The following MFN1 variants were observed in gnomAD, a reference collection of about 807,000 sequenced individuals.
MFN1 encodes mitofusin-1.
MFN1 carries 65 observed loss-of-function variants against 92.4 expected under a neutral mutation model. The observed-to-expected ratio is 0.70, with a 90% CI of 0.58 to 0.86. The LOEUF (loss-of-function observed/expected upper bound fraction) is 0.86, where lower values mean the gene tolerates loss of function less well. Ranked by LOEUF, MFN1 falls within the 40% of genes least tolerant of loss-of-function variation. The pLI, the probability that MFN1 is intolerant of heterozygous loss-of-function variation, is 0.00. For synonymous variants in MFN1, 297 were observed against 300.9 expected (o/e 0.99, Z 0.13); for missense variants, 781 against 868.0 (o/e 0.90, Z 1.26).
chr3:179,387,102 T>A (rs1340526312), intron 16 of MFN1, among the ~76,000 whole-genome samples: 1 of 151,854 alleles, frequency 6.6e-6, no homozygotes, highest in African/African-American at 2.4e-5. Context: ...TTTTTTTTTT[T>A]CTTTGAGACA....
chr3:179,349,068 A>G (rs1712036388), intron 2 of MFN1, 105 bp downstream of exon 2: 1 of 806,818 alleles, frequency 1.2e-6, no homozygotes, highest in Non-Finnish European at 1.9e-6. Context: ...ATTATACTGT[A>G]TACTATGAGA....
At chr3:179,365,932 T>C (rs1044586864) in intron 7 of MFN1, among the ~76,000 whole-genome samples, 49 of 152,222 alleles carry the variant, frequency 3.2e-4, no homozygotes, top group African/African-American at 1.2e-3. Context: ...GGCATTTGGG[T>C]TAATTTACTG....
chr3:179,390,831 A>G (rs933768165), intron 17 of MFN1, among the ~76,000 whole-genome samples: 2 of 152,220 alleles, frequency 1.3e-5, no homozygotes, highest in Admixed American at 6.5e-5. Flanking sequence ...CCTGTGTAAG[A>G]ACAGCTTAGT....
At chr3:179,374,412 AT>A (rs1577011238) in intron 9 of MFN1, among the ~76,000 whole-genome samples, 67 of 137,276 alleles carry the variant, frequency 4.9e-4, no homozygotes, top group East Asian at 1.2e-3. Context: ...ATATATATAT[AT>A]AAGATAACAA....
At chr3:179,383,904 G>GGA (rs1713572147) in intron 14 of MFN1, among the ~76,000 whole-genome samples, 5 of 152,158 alleles carry the variant, frequency 3.3e-5, no homozygotes, top group Non-Finnish European at 5.9e-5. Context: ...TAGGAAATTT[G>GGA]TGAAATTGTA....
intron 9 of MFN1, among the ~76,000 whole-genome samples, chr3:179,374,779 A>G (rs993868986): frequency 6.6e-6 from 1 of 152,216 alleles, no homozygotes; most frequent in Non-Finnish European, 1.5e-5. Flanking sequence ...TCATTCAGCT[A>G]TTAAATAAGG....
At chr3:179,381,537 T>C (rs1713467127) in intron 14 of MFN1, among the ~76,000 whole-genome samples, 1 of 152,244 alleles carries the variant, frequency 6.6e-6, no homozygotes, top group Admixed American at 6.5e-5. Context: ...TAATGGTGTG[T>C]CTTATATTTT....
intron 7 of MFN1, among the ~76,000 whole-genome samples, chr3:179,367,057 A>T (rs2108536974): frequency 6.6e-6 from 1 of 152,304 alleles, no homozygotes; most frequent in South Asian, 2.1e-4. Context: ...CCTGCCCAGT[A>T]GCTGGGATTA....
intron 14 of MFN1, 70 bp downstream of exon 14, chr3:179,378,884 A>T (rs1713360297): frequency 8.4e-7 from 1 of 1,194,648 alleles, no homozygotes; most frequent in Admixed American, 2.4e-5. Flanking sequence ...TTCTATAATA[A>T]AACTAGCTTT....
rs527444238 is a variant in MFN1, at chr3:179,386,462, A to G, written c.1845A>G (p.Leu615=). 5.1e-5 allele frequency: 83 copies of G among 1,612,984 alleles called. No homozygotes were observed. In the South Asian group the frequency reaches 7.3e-4, roughly 14 times the overall value. ...VIWKTIGWKL[L]SVSLTMYGAL... is the part of the protein sequence containing the mutation. ...GGAAAACTATAGGCTGGAAACTCCT[A>G]TCTGTTTCATTAACTATGTATGGAG... The change falls in exon 16 of 18, where the codon CTA becomes CTG. Residue 615 remains leucine (L), a synonymous_variant. Transcript: ENST00000471841.
Position 179,358,871 on chromosome 3 carries a change from G to A in MFN1, c.280G>A (p.Ala94Thr). The change falls in exon 4 of 18, where the codon GCA becomes ACA. Residue 94 changes from alanine to threonine, a missense_variant. Transcript: ENST00000471841. ...CAGTGGGAAGAGCTCTGTTATCAAT[G>A]CAATGTTGTGGGATAAAGTTCTCCC... ...TSSGKSSVIN[A>T]MLWDKVLPSG... is the part of the protein sequence containing the mutation. 6.2e-7 allele frequency: 1 copy of A among 1,613,792 alleles called. No individual in the cohort carries two copies.
intron 14 of MFN1, among the ~76,000 whole-genome samples, chr3:179,384,740 G>A (rs10937001): frequency 0.17 from 26,000 of 151,960 alleles, 2,296 homozygotes; most frequent in Admixed American, 0.23. Context: ...TCACTGTGCT[G>A]TGCTGGCTGG....
rs1368895763 is a variant in MFN1, at chr3:179,394,391, AAAAT to A, written c.*2335_*2338del. The A allele has an allele frequency of 1.3e-5, 2 of 151,602 alleles. No individual in the cohort carries two copies. The highest frequency in any genetic ancestry group is 6.6e-5 in the Admixed American group (1 of 15,154). 9.4% of individuals were successfully genotyped at this position (151,602 alleles called of 1,614,324 possible). Reference sequence around the variant, plus strand: ...TAATGAATGTTGGAAATGGAACAGTAAAATAACGAAAGCCAACTTTTTTTTTTTT... The same window carrying A: ...TAATGAATGTTGGAAATGGAACAGTAAACGAAAGCCAACTTTTTTTTTTTT... On this transcript the variant is annotated 3_prime_UTR_variant, in exon 18 of 18. Transcript: ENST00000471841.
chr3:179,372,194 G>A (rs1713051676), intron 9 of MFN1, among the ~76,000 whole-genome samples: 2 of 149,884 alleles, frequency 1.3e-5, no homozygotes, highest in Non-Finnish European at 1.5e-5. Context: ...AACAAAAGGG[G>A]CTGAATGTTA....
chr3:179,368,877 A>G lies in MFN1; in HGVS notation c.975+774A>G, dbSNP rs1712909815. On this transcript the variant is annotated intron_variant, in intron 9 of 17. Transcript: ENST00000471841. ...CAGCATTGAAGAAACCTCAGTCTGT[A>G]ATTATTCTTATAAGTAGTAACTGCT... Among the ~76,000 whole-genome samples, 4 of 152,236 alleles carry G rather than the reference A, an allele frequency of 2.6e-5. No individual in the cohort carries two copies. The South Asian group carries it at 8.3e-4, about 31-fold the overall frequency.
chr3:179,378,397 C>T lies in MFN1; in HGVS notation c.1386C>T (p.Thr462=), dbSNP rs138738004. 6.5e-5 allele frequency: 105 copies of T among 1,606,738 alleles called. No homozygotes were observed. The East Asian group carries it at 1.8e-3, about 27-fold the overall frequency. The change falls in exon 13 of 18, where the codon ACC becomes ACT. Residue 462 remains threonine (T), a synonymous_variant. Transcript: ENST00000471841. ...GMGRNLADRC[T]DEVNALVLQT... is the part of the protein sequence containing the mutation. ...GAAGAAATTTGGCTGATCGATGCAC[C>T]GATGAAGTAAACGCCTTAGTGCTTC...
chr3:179,384,499 G>T (rs954183777), intron 14 of MFN1, among the ~76,000 whole-genome samples: 2 of 151,632 alleles, frequency 1.3e-5, no homozygotes, highest in Non-Finnish European at 2.9e-5. Flanking sequence ...AATTATTTGG[G>T]TCCTATAGAG....
chr3:179,371,064 CTG>C (rs1304064146), intron 9 of MFN1, among the ~76,000 whole-genome samples: 1 of 152,132 alleles, frequency 6.6e-6, no homozygotes, highest in Non-Finnish European at 1.5e-5. Flanking sequence ...AAAAGAAAAA[CTG>C]TATCAAGTTC....
At chr3:179,391,947 A>G (rs2287209) in intron 17 of MFN1, 34 bp from the exon 18 acceptor site, 904,099 of 1,348,460 alleles carry the variant, frequency 0.67, 305,359 homozygotes, top group Admixed American at 0.79. Flanking sequence ...TGACCTTTAT[A>G]GTAATTAGAT....
Sources: gnomAD v4.1 joint callset for allele counts (sites outside exome capture counted in the v4.1 genomes callset) on GRCh38, gnomAD v4.1.1 for gene constraint, MANE v1.5 for transcripts, NCBI Gene and HGNC (gene_info 2026-07-23, HGNC 2026-07-21) for gene names.